Variants in RNF216 observed in about 807,000 individuals in gnomAD.
The protein encoded by RNF216 is E3 ubiquitin-protein ligase RNF216.
In RNF216, 72 loss-of-function variants were observed where a neutral mutation model predicts 110.8. That is an observed-to-expected ratio of 0.65 (90% CI 0.54 to 0.79). The LOEUF (loss-of-function observed/expected upper bound fraction) is 0.79, where lower values mean the gene tolerates loss of function less well. Among genes scored for constraint, RNF216 ranks in the 30% least tolerant of loss-of-function variants. The probability of loss-of-function intolerance (pLI) is 0.00; values close to 1 mark genes in which losing one functional copy is unlikely to be tolerated. For synonymous variants in RNF216, 495 were observed against 407.5 expected (o/e 1.21, Z -2.59); for missense variants, 1,342 against 1,141.2 (o/e 1.18, Z -2.54).
chr7:5,778,462 A>C (rs1796900729), intron 1 of RNF216, among the ~76,000 whole-genome samples: 1 of 152,160 alleles, frequency 6.6e-6, no homozygotes, highest in South Asian at 2.1e-4. Flanking sequence ...TAATATACTT[A>C]TTTAGGAAAC....
chr7:5,738,616 G>A (rs867120574), intron 5 of RNF216, among the ~76,000 whole-genome samples: 13 of 148,176 alleles, frequency 8.8e-5, no homozygotes, highest in African/African-American at 2.8e-4. Flanking sequence ...GCTGAGGCAG[G>A]AGAATGGCCT....
At chr7:5,666,893 ACTGGGCTCAAGC>A (rs1228356662) in intron 13 of RNF216, among the ~76,000 whole-genome samples, 2 of 145,920 alleles carry the variant, frequency 1.4e-5, no homozygotes, top group African/African-American at 2.6e-5. Context: ...ATCATAGCTC[ACTGGGCTCAAGC>A]CTGGGCTCAA....
rs186070592 is a variant in RNF216, at chr7:5,752,003, T to C, written c.201+843A>G. Among the ~76,000 whole-genome samples the C allele has an allele frequency of 4.2e-3, 631 of 151,996 alleles. 2 individuals are homozygous for C. Among genetic ancestry groups the C allele is most frequent in the African/African-American group, 0.013 (551 of 41,444 alleles). ...GAGTTCAAGACCAGCCTGGCCAAGA[T>C]AGTTAAACCTATCTCTGCTAAAAAT... is the stretch of plus-strand genomic sequence containing the variant. On this transcript the variant is annotated intron_variant, in intron 3 of 16. Coordinates refer to ENST00000389902, the MANE Select transcript of RNF216 (RefSeq NM_207111.4).
At chr7:5,760,617 T>C (rs1562469908) in intron 2 of RNF216, 2 of 295,118 alleles carry the variant, frequency 6.8e-6, no homozygotes, top group Non-Finnish European at 1.3e-5. Context: ...AAAAAAGAAA[T>C]TAAGCATCAT....
intron 2 of RNF216, among the ~76,000 whole-genome samples, chr7:5,760,239 G>A (rs112521703): frequency 6.6e-6 from 1 of 152,082 alleles, no homozygotes; most frequent in Non-Finnish European, 1.5e-5. Flanking sequence ...AGAACAGTCT[G>A]GGTGCAGTGG....
At chr7:5,725,169 T>C (rs140276182) in intron 8 of RNF216, among the ~76,000 whole-genome samples, 155 bp downstream of exon 8, 617 of 152,318 alleles carry the variant, frequency 4.1e-3, no homozygotes, top group Non-Finnish European at 6.5e-3. Context: ...CTAAAAATTT[T>C]GATGTGCTGA....
chr7:5,710,643 C>A (rs930406871), intron 13 of RNF216, among the ~76,000 whole-genome samples: 4 of 152,232 alleles, frequency 2.6e-5, no homozygotes, highest in African/African-American at 9.6e-5. Context: ...CCTGCCCCTA[C>A]TCAGCTTATG....
At chr7:5,720,651 AG>A (rs1793362036) in intron 9 of RNF216, among the ~76,000 whole-genome samples, 1 of 152,202 alleles carries the variant, frequency 6.6e-6, no homozygotes, top group South Asian at 2.1e-4. Flanking sequence ...TGGGAAACCC[AG>A]GGATCTCTGG....
At chr7:5,714,991 A>G (rs2128631711) in intron 11 of RNF216, 62 bp downstream of exon 11, 1 of 1,480,536 alleles carries the variant, frequency 6.8e-7, no homozygotes, top group Non-Finnish European at 9.1e-7. Context: ...ATCTATCAAC[A>G]TGGTCTCCTT....
intron 1 of RNF216, among the ~76,000 whole-genome samples, chr7:5,774,684 C>T (rs1257140038): frequency 1.3e-5 from 2 of 151,540 alleles, no homozygotes; most frequent in East Asian, 1.9e-4. Context: ...ATCACAAGTA[C>T]ACAGGAAATG....
intron 13 of RNF216, among the ~76,000 whole-genome samples, chr7:5,709,777 C>G (rs932097467): frequency 1.1e-4 from 16 of 152,084 alleles, no homozygotes; most frequent in African/African-American, 1.9e-4. Flanking sequence ...CTTTTAAAGA[C>G]AGAGTCTTAG....
intron 13 of RNF216, among the ~76,000 whole-genome samples, chr7:5,710,559 TG>T (rs2128628304): frequency 6.6e-6 from 1 of 152,332 alleles, no homozygotes; most frequent in East Asian, 1.9e-4. Context: ...ATTTCTCACC[TG>T]GACTACTCAA....
At chr7:5,779,656 TAAAAAAAAAAAAA>T (rs34915284) in intron 1 of RNF216, among the ~76,000 whole-genome samples, 1 of 112,524 alleles carries the variant, frequency 8.9e-6, no homozygotes, top group African/African-American at 3.4e-5. Context: ...CTCCGTCTCT[TAAAAAAAAAAAAA>T]AAAAAAAAAG....
intron 14 of RNF216, among the ~76,000 whole-genome samples, chr7:5,641,746 G>C (rs1283263937): frequency 6.6e-6 from 1 of 152,076 alleles, no homozygotes; most frequent in Non-Finnish European, 1.5e-5. Flanking sequence ...TTAAAATGGA[G>C]AGAACAGGCT....
At chr7:5,686,224 T>TAAAA (rs71971690) in intron 13 of RNF216, among the ~76,000 whole-genome samples, 13 of 111,626 alleles carry the variant, frequency 1.2e-4, no homozygotes, top group African/African-American at 4.0e-4. Flanking sequence ...ACTCTGTTAT[T>TAAAA]AAAAAAAAAA....
chr7:5,715,023 T>C (rs773420580), intron 11 of RNF216, 30 bp downstream of exon 11: 6 of 1,591,112 alleles, frequency 3.8e-6, no homozygotes, highest in South Asian at 2.2e-5. Flanking sequence ...ATGTGTCCTA[T>C]ATACATGGGA....
chr7:5,654,950 C>T (rs959864705), intron 13 of RNF216, among the ~76,000 whole-genome samples: 5 of 152,094 alleles, frequency 3.3e-5, no homozygotes, highest in African/African-American at 1.2e-4. Context: ...AGCTGGAGGA[C>T]AAACAACAGC....
intron 2 of RNF216, among the ~76,000 whole-genome samples, chr7:5,760,227 G>A (rs1584592733): frequency 6.6e-6 from 1 of 152,090 alleles, no homozygotes; most frequent in African/African-American, 2.4e-5. Flanking sequence ...TTTAAAAACT[G>A]TAGAACAGTC....
intron 4 of RNF216, chr7:5,739,627 T>C (rs775707204): frequency 1.9e-6 from 1 of 533,970 alleles, no homozygotes; most frequent in South Asian, 1.5e-5. Context: ...CATCTCTGTC[T>C]AGACAAAGGG....
Sources: allele counts gnomAD v4.1 joint callset (sites outside exome capture counted in the v4.1 genomes callset), GRCh38; gene constraint gnomAD v4.1.1; transcripts MANE v1.5; gene names NCBI Gene and HGNC (gene_info 2026-07-23, HGNC 2026-07-21).